Variants in SGCZ observed in about 807,000 individuals in gnomAD.
The protein encoded by SGCZ is sarcoglycan zeta, also known as zeta-sarcoglycan.
Under a neutral mutation model 41.3 loss-of-function variants are expected in SGCZ, and 40 were observed. The observed-to-expected ratio is 0.97, with a 90% confidence interval of 0.75 to 1.26. SGCZ has a LOEUF of 1.26. SGCZ is among the 50% of genes most tolerant of loss of function. SGCZ has a pLI of 0.00. For missense variants in SGCZ, 552 were observed against 369.8 expected (o/e 1.49, Z -4.04); for synonymous variants, 206 against 137.5 (o/e 1.50, Z -3.49).
At chr8:14,301,087 C>G (rs1365051925) in intron 3 of SGCZ, among the ~76,000 whole-genome samples, 1 of 151,842 alleles carries the variant, frequency 6.6e-6, no homozygotes, top group Non-Finnish European at 1.5e-5. Flanking sequence ...TCATCATCAT[C>G]ATCATCATCA....
chr8:14,342,711 T>G (rs1267689566), intron 2 of SGCZ, among the ~76,000 whole-genome samples: 1 of 152,168 alleles, frequency 6.6e-6, no homozygotes, highest in Non-Finnish European at 1.5e-5. Context: ...CATAAAGGCT[T>G]GGAAATTATG....
At chr8:14,535,258 T>A (rs1474998282) in intron 2 of SGCZ, among the ~76,000 whole-genome samples, 1 of 151,950 alleles carries the variant, frequency 6.6e-6, no homozygotes, top group Non-Finnish European at 1.5e-5. Flanking sequence ...TTCTTATTTT[T>A]AATTGTAAGA....
intron 2 of SGCZ, among the ~76,000 whole-genome samples, chr8:14,452,184 C>G (rs1800613804): frequency 6.6e-6 from 1 of 152,094 alleles, no homozygotes; most frequent in Non-Finnish European, 1.5e-5. Context: ...GAGACAACTT[C>G]TACTAAGTTA....
intron 4 of SGCZ, among the ~76,000 whole-genome samples, chr8:14,235,094 C>A (rs1806708403): frequency 6.6e-6 from 1 of 152,178 alleles, no homozygotes; most frequent in Non-Finnish European, 1.5e-5. Context: ...TAACAGCATT[C>A]AAAATGTGTC....
chr8:14,245,655 G>A (rs1799061338), intron 3 of SGCZ, among the ~76,000 whole-genome samples: 1 of 151,906 alleles, frequency 6.6e-6, no homozygotes, highest in South Asian at 2.1e-4. Context: ...AGCGTGAAAA[G>A]GCAATACACA....
chr8:14,918,624 T>C (rs757104921), intron 1 of SGCZ, among the ~76,000 whole-genome samples: 1 of 152,204 alleles, frequency 6.6e-6, no homozygotes, highest in East Asian at 1.9e-4. Flanking sequence ...AACAACTTAG[T>C]ATTTTACATT....
At chr8:14,632,288 A>G (rs1174062986) in intron 1 of SGCZ, among the ~76,000 whole-genome samples, 1 of 151,970 alleles carries the variant, frequency 6.6e-6, no homozygotes, top group African/African-American at 2.4e-5. Context: ...CTCCCAAAGC[A>G]TTAGGATTAC....
At chr8:15,109,250 A>G (rs990381722) in intron 1 of SGCZ, among the ~76,000 whole-genome samples, 2 of 152,116 alleles carry the variant, frequency 1.3e-5, no homozygotes, top group African/African-American at 4.8e-5. Flanking sequence ...CAGGAGCCCA[A>G]TGTTTTTAGA....
intron 1 of SGCZ, among the ~76,000 whole-genome samples, chr8:14,747,660 C>CATTATTATTATT (rs151163754): frequency 0.14 from 19,248 of 139,334 alleles, 1,525 homozygotes; most frequent in African/African-American, 0.19. Flanking sequence ...GGGTACAAGG[C>CATTATTATTATT]ATTATTATTA....
At chr8:14,749,374 C>T (rs1283007543) in intron 1 of SGCZ, among the ~76,000 whole-genome samples, 1 of 152,142 alleles carries the variant, frequency 6.6e-6, no homozygotes, top group East Asian at 1.9e-4. Context: ...GTCCCAAACT[C>T]ATCACCCCAG....
chr8:15,003,983 A>G lies in SGCZ; in HGVS notation c.39+233602T>C, dbSNP rs146148455. ...TGTTAGAGTAGGAAAACAGGTCAAC[A>G]TGAGCAGGAGGGGGGAAGCCCCTGA... On this transcript the variant is annotated intron_variant, in intron 1 of 7. Transcript: ENST00000382080. Among the ~76,000 whole-genome samples, 137 of 152,298 alleles carry G rather than the reference A, an allele frequency of 9.0e-4. 1 individual carries two copies. In the East Asian group the frequency reaches 0.022, roughly 24 times the overall value.
intron 1 of SGCZ, among the ~76,000 whole-genome samples, chr8:14,593,911 A>C (rs1382953488): frequency 6.6e-6 from 1 of 152,142 alleles, no homozygotes; most frequent in Non-Finnish European, 1.5e-5. Context: ...GCCGTGGCTC[A>C]TGCCTATAAT....
At chr8:14,377,864 A>AT (rs1384978235) in intron 2 of SGCZ, among the ~76,000 whole-genome samples, 2 of 151,620 alleles carry the variant, frequency 1.3e-5, no homozygotes, top group Admixed American at 6.6e-5. Flanking sequence ...TGAACTCATC[A>AT]TTTTTTATGG....
chr8:14,422,813 G>T (rs1047913063), intron 2 of SGCZ, among the ~76,000 whole-genome samples: 1 of 152,106 alleles, frequency 6.6e-6, no homozygotes, highest in Non-Finnish European at 1.5e-5. Context: ...GATCTCTTAG[G>T]CTCAGAAATC....
At chr8:15,038,814 CA>C (rs58922339) in intron 1 of SGCZ, among the ~76,000 whole-genome samples, 329 of 93,048 alleles carry the variant, frequency 3.5e-3, no homozygotes, top group Middle Eastern at 5.8e-3. Context: ...TGACATTTCT[CA>C]AAAAAAAAAA....
At chr8:14,457,861 C>T (rs900620431) in intron 2 of SGCZ, among the ~76,000 whole-genome samples, 2 of 152,088 alleles carry the variant, frequency 1.3e-5, no homozygotes, top group African/African-American at 2.4e-5. Context: ...GCCAGACATT[C>T]GGGGCCACTA....
At chr8:15,068,527 G>A (rs1051606342) in intron 1 of SGCZ, among the ~76,000 whole-genome samples, 1 of 152,090 alleles carries the variant, frequency 6.6e-6, no homozygotes, top group Admixed American at 6.6e-5. Flanking sequence ...TGAGAATTTT[G>A]ATGTTCACAG....
chr8:14,634,437 C>T (rs545313054), intron 1 of SGCZ, among the ~76,000 whole-genome samples: 103 of 151,750 alleles, frequency 6.8e-4, no homozygotes, highest in African/African-American at 2.4e-3. Flanking sequence ...GAGTATTTGG[C>T]CACTTAATAT....
chr8:14,532,226 A>G (rs72607312), intron 2 of SGCZ, among the ~76,000 whole-genome samples: 2 of 149,960 alleles, frequency 1.3e-5, no homozygotes, highest in East Asian at 3.9e-4. Context: ...AGAAGAAATT[A>G]ATTTGAGCCC....
Sources: gnomAD v4.1 joint callset for allele counts (sites outside exome capture counted in the v4.1 genomes callset) on GRCh38, gnomAD v4.1.1 for gene constraint, MANE v1.5 for transcripts, NCBI Gene and HGNC (gene_info 2026-07-23, HGNC 2026-07-21) for gene names.